CHLSN: variants seen among roughly 807,000 people sequenced by gnomAD.
CHLSN encodes protein cholesin.
At chr7:1,018,497 G>A in the CHLSN span, among the ~76,000 whole-genome samples, 3 of 151,994 alleles carry the variant, frequency 2.0e-5, no homozygotes, top group African/African-American at 7.2e-5. Context: ...CCCATGGCCA[G>A]CAGGCCCAGC....
chr7:1,124,639 A>T, the CHLSN span, among the ~76,000 whole-genome samples: 61 of 151,016 alleles, frequency 4.0e-4, no homozygotes, highest in Admixed American at 2.8e-3. Context: ...GGTGCAGCGC[A>T]CCAGCATGGC....
the CHLSN span, among the ~76,000 whole-genome samples, chr7:1,103,502 T>C: frequency 6.6e-6 from 1 of 152,238 alleles, no homozygotes; most frequent in African/African-American, 2.4e-5. Flanking sequence ...GAATTAGCCC[T>C]TATTTGTATT....
chr7:980,972 C>T, the CHLSN span, among the ~76,000 whole-genome samples: 2 of 151,952 alleles, frequency 1.3e-5, no homozygotes, highest in Admixed American at 6.6e-5. Flanking sequence ...GGATTACAGG[C>T]ATAAGCCACT....
the CHLSN span, among the ~76,000 whole-genome samples, chr7:983,904 C>T: frequency 6.6e-6 from 1 of 152,248 alleles, no homozygotes; most frequent in Non-Finnish European, 1.5e-5. Context: ...AGCACTGTCG[C>T]TCTGTCCTCG....
chr7:999,410 G>A, the CHLSN span, among the ~76,000 whole-genome samples: 44 of 147,214 alleles, frequency 3.0e-4, no homozygotes, highest in Middle Eastern at 3.4e-3. Context: ...CGCGATTACC[G>A]GAGCTTGCAA....
the CHLSN span, chr7:1,026,379 C>T: frequency 6.6e-6 from 1 of 152,268 alleles, no homozygotes; most frequent in Non-Finnish European, 1.5e-5. Flanking sequence ...CACGGCAGTG[C>T]TTCTGTGTCG....
At chr7:1,108,872 C>T in the CHLSN span, among the ~76,000 whole-genome samples, 1 of 150,714 alleles carries the variant, frequency 6.6e-6, no homozygotes, top group African/African-American at 2.4e-5. Flanking sequence ...CTAGAAAATT[C>T]GGCTGTGATA....
chr7:1,059,547 TTA>T, the CHLSN span, among the ~76,000 whole-genome samples: 1 of 133,400 alleles, frequency 7.5e-6, no homozygotes, highest in Non-Finnish European at 1.6e-5. Flanking sequence ...GAGGTGGGTC[TTA>T]GTGGGGCGGG....
chr7:987,386 G>A, the CHLSN span: 1 of 1,595,040 alleles, frequency 6.3e-7, no homozygotes, highest in Non-Finnish European at 8.5e-7. Flanking sequence ...CTGGGCCCTG[G>A]GCGGACTCCC....
At chr7:1,136,071 TAA>T in the CHLSN span, among the ~76,000 whole-genome samples, 2 of 116,552 alleles carry the variant, frequency 1.7e-5, no homozygotes, top group African/African-American at 7.2e-5. Flanking sequence ...TATATAAATA[TAA>T]GTATATATAA....
the CHLSN span, among the ~76,000 whole-genome samples, chr7:1,039,121 C>T: frequency 9.4e-5 from 5 of 52,962 alleles, no homozygotes; most frequent in South Asian, 6.9e-4. Flanking sequence ...CGCCTCTGCC[C>T]GGCCGCCCCT....
At chr7:1,100,489 G>A in the CHLSN span, among the ~76,000 whole-genome samples, 1 of 152,234 alleles carries the variant, frequency 6.6e-6, no homozygotes, top group Non-Finnish European at 1.5e-5. Flanking sequence ...AGGAGCTTCT[G>A]TCTGAGCCTG....
chr7:1,114,633 T>G, the CHLSN span, among the ~76,000 whole-genome samples: 8 of 152,204 alleles, frequency 5.3e-5, no homozygotes, highest in African/African-American at 1.9e-4. Flanking sequence ...CAGCTGGCCT[T>G]TACGGAAGGA....
At chr7:1,117,759 C>T in the CHLSN span, among the ~76,000 whole-genome samples, 6 of 152,110 alleles carry the variant, frequency 3.9e-5, no homozygotes, top group African/African-American at 9.7e-5. Flanking sequence ...GCTCTAGGAC[C>T]GGCTTCCATC....
chr7:1,047,744 T>C, the CHLSN span, among the ~76,000 whole-genome samples: 170 of 152,324 alleles, frequency 1.1e-3, 1 homozygote, highest in Admixed American at 7.8e-3. Context: ...GCCTCGCAGT[T>C]CTCTTTCCAC....
the CHLSN span, chr7:1,093,302 T>C: frequency 8.8e-4 from 375 of 427,460 alleles, no homozygotes; most frequent in Non-Finnish European, 1.4e-3. Context: ...ACGCTGGAGA[T>C]GCAAGGTGCT....
the CHLSN span, among the ~76,000 whole-genome samples, chr7:1,015,563 C>T: frequency 2.0e-5 from 3 of 152,204 alleles, no homozygotes; most frequent in Non-Finnish European, 2.9e-5. Flanking sequence ...GAGCCTTCAC[C>T]TAAGAAAGGA....
the CHLSN span, chr7:1,092,817 C>G: frequency 6.2e-7 from 1 of 1,613,382 alleles, no homozygotes; most frequent in East Asian, 2.2e-5. Context: ...TTCCAGACAG[C>G]ACCGAGCAGT....
chr7:1,032,042 T>C, the CHLSN span, among the ~76,000 whole-genome samples: 1 of 152,060 alleles, frequency 6.6e-6, no homozygotes, highest in Non-Finnish European at 1.5e-5. Flanking sequence ...ATGTGGAACA[T>C]TCTGAGTCAT....
Sources: allele counts gnomAD v4.1 joint callset (sites outside exome capture counted in the v4.1 genomes callset), GRCh38; gene constraint gnomAD v4.1.1; transcripts MANE v1.5; gene names NCBI Gene and HGNC (gene_info 2026-07-23, HGNC 2026-07-21).